Variants in PSME4 observed in about 807,000 individuals in gnomAD.
The protein encoded by PSME4 is proteasome activator subunit 4.
PSME4 carries 89 observed loss-of-function variants against 253.9 expected under a neutral mutation model. The observed-to-expected ratio is 0.35, with a 90% CI of 0.30 to 0.42. PSME4 has a LOEUF of 0.42. PSME4 is among the 10% of genes least tolerant of loss of function. The probability of loss-of-function intolerance (pLI) is 1.00; values close to 1 mark genes in which losing one functional copy is unlikely to be tolerated. For missense variants in PSME4, 2,014 were observed against 2,195.2 expected (o/e 0.92, Z 1.65); for synonymous variants, 851 against 759.2 (o/e 1.12, Z -1.99).
chr2:53,890,826 A>C (rs1323402189), intron 36 of PSME4, among the ~76,000 whole-genome samples: 4 of 152,194 alleles, frequency 2.6e-5, no homozygotes, highest in East Asian at 3.8e-4. Flanking sequence ...TCAGGAGTTC[A>C]AGATCAAGCT....
intron 1 of PSME4, among the ~76,000 whole-genome samples, chr2:53,950,428 A>T (rs1669920165): frequency 6.6e-6 from 1 of 152,252 alleles, no homozygotes; most frequent in Non-Finnish European, 1.5e-5. Context: ...GTTAACTTAT[A>T]ATTACAATAC....
intron 1 of PSME4, among the ~76,000 whole-genome samples, chr2:53,966,783 T>C (rs887893059): frequency 2.0e-5 from 3 of 152,068 alleles, no homozygotes; most frequent in African/African-American, 7.2e-5. Flanking sequence ...CACTGCAACC[T>C]CCACCTCCCA....
rs368693570 is a variant in PSME4 at position 53,887,825 on chromosome 2, C to T, written c.4520+33G>A. On this transcript the variant is annotated intron_variant, in intron 39 of 46. Transcript: ENST00000404125. ...TTTAAAAAAAAACAAACAAAGAACT[C>T]GAGAGGTACACCACAGAGAAAACAG... 5.9e-6 allele frequency: 9 copies of T among 1,529,596 alleles called. No homozygotes were observed. In the African/African-American group the frequency reaches 7.0e-5, roughly 12 times the overall value. The allele number at this position is 1,529,596 out of a possible 1,614,324, so 94.8% of individuals were successfully genotyped here.
In PSME4 at chr2:53,893,008, G is replaced by A. The variant is rs199772041; in HGVS notation, c.4039-48C>T. ...TCAGTACTCAAATGACTATCATCTC[G>A]ATTATAATTATGCTTGTAATTATTC... On this transcript the variant is annotated intron_variant, in intron 35 of 46. Coordinates refer to ENST00000404125, the MANE Select transcript of PSME4 (RefSeq NM_014614.3). 41 of 1,530,938 alleles carry A rather than the reference G, an allele frequency of 2.7e-5. No individual in the cohort carries two copies. In the East Asian group the frequency reaches 3.9e-4, roughly 14 times the overall value. The allele number at this position is 1,530,938 out of a possible 1,614,324, so 94.8% of individuals were successfully genotyped here. A position where few individuals can be genotyped will look rare whatever the true frequency, so the allele number is the denominator to read the frequency against.
At chr2:53,889,150 C>T (rs13432387) in intron 37 of PSME4, among the ~76,000 whole-genome samples, 16,647 of 152,140 alleles carry the variant, frequency 0.11, 1,413 homozygotes, top group African/African-American at 0.24. Context: ...AAGTTGAGAG[C>T]TAGTGCACCC....
intron 1 of PSME4, among the ~76,000 whole-genome samples, chr2:53,953,192 G>A (rs1053728186): frequency 3.9e-5 from 6 of 151,962 alleles, no homozygotes; most frequent in African/African-American, 1.5e-4. Flanking sequence ...TGTTTTAAAA[G>A]GGCACAAAAG....
intron 1 of PSME4, among the ~76,000 whole-genome samples, chr2:53,963,254 A>G (rs1183745096): frequency 6.6e-6 from 1 of 151,972 alleles, no homozygotes; most frequent in Non-Finnish European, 1.5e-5. Flanking sequence ...CGAGGCCAGG[A>G]GCTCAAGGTT....
intron 42 of PSME4, among the ~76,000 whole-genome samples, 161 bp downstream of exon 42, chr2:53,875,466 A>C (rs566706905): frequency 2.2e-3 from 338 of 152,356 alleles, no homozygotes; most frequent in Non-Finnish European, 3.8e-3. Flanking sequence ...CCAGGCACAG[A>C]ATCTAGGTCT....
intron 1 of PSME4, among the ~76,000 whole-genome samples, chr2:53,962,817 C>A (rs1344471989): frequency 6.6e-6 from 1 of 151,958 alleles, no homozygotes; most frequent in African/African-American, 2.4e-5. Context: ...TCGAGACCAT[C>A]CTGGCCAATA....
At position 53,949,337 on chromosome 2, in the gene PSME4, T is replaced by C. The variant is rs558022792; in HGVS notation, c.243-54A>G. 143 of 1,197,574 alleles carry C rather than the reference T, an allele frequency of 1.2e-4. No individual in the cohort carries two copies. The African/African-American group carries it at 2.1e-3, about 17-fold the overall frequency. The allele number at this position is 1,197,574 out of a possible 1,614,324, so 74.2% of individuals were successfully genotyped here. On this transcript the variant is annotated intron_variant, in intron 1 of 46. Transcript: ENST00000404125. ...AAAAATAGGTATGATGACACATCCATGTTCAATGCAGCATTATCCATAGAA... is the reference window on the plus strand; with the variant it reads ...AAAAATAGGTATGATGACACATCCACGTTCAATGCAGCATTATCCATAGAA...
chr2:53,965,990 A>C (rs1376573011), intron 1 of PSME4, among the ~76,000 whole-genome samples: 1 of 151,834 alleles, frequency 6.6e-6, no homozygotes, highest in Non-Finnish European at 1.5e-5. Context: ...GTTTTTTAAC[A>C]CTCCACTACT....
chr2:53,888,694 C>A (rs779957933), intron 38 of PSME4, 27 bp downstream of exon 38: 2 of 1,502,590 alleles, frequency 1.3e-6, no homozygotes, highest in South Asian at 1.1e-5. Context: ...TTCGTGTTAA[C>A]CTCATAGGTT....
intron 1 of PSME4, among the ~76,000 whole-genome samples, chr2:53,961,880 T>C (rs1254731540): frequency 6.6e-6 from 1 of 152,194 alleles, no homozygotes; most frequent in Admixed American, 6.5e-5. Flanking sequence ...CACCCTACTG[T>C]TGTGTCCGGT....
chr2:53,945,931 C>A (rs1669679637), intron 3 of PSME4, among the ~76,000 whole-genome samples: 1 of 152,066 alleles, frequency 6.6e-6, no homozygotes, highest in Non-Finnish European at 1.5e-5. Context: ...AAATGAAATG[C>A]TGAGTCTGTT....
At chr2:53,946,094 T>C (rs537247009) in intron 3 of PSME4, among the ~76,000 whole-genome samples, 2 of 152,202 alleles carry the variant, frequency 1.3e-5, no homozygotes, top group East Asian at 3.9e-4. Context: ...CCAATACTAA[T>C]AGAAAATTTC....
chr2:53,938,675 T>C (rs1669239303), intron 4 of PSME4, among the ~76,000 whole-genome samples: 1 of 152,138 alleles, frequency 6.6e-6, no homozygotes, highest in Admixed American at 6.5e-5. Context: ...GTTGGGAAAC[T>C]CTTTCAAATA....
Position 53,895,094 on chromosome 2 carries a change from A to G in PSME4, c.3843-18T>C, listed in dbSNP as rs764659605. ...CCATATTCCTATATAGTAAGAGTTC[A>G]TATTTATCATACGCATAGAAAAAAA... On this transcript the variant is annotated intron_variant, in intron 33 of 46. Coordinates refer to ENST00000404125, the MANE Select transcript of PSME4 (RefSeq NM_014614.3). 2 of 1,584,568 alleles carry G rather than the reference A, an allele frequency of 1.3e-6. No individual in the cohort carries two copies. The highest frequency in any genetic ancestry group is 1.2e-5 in the South Asian group (1 of 86,218).
intron 44 of PSME4, among the ~76,000 whole-genome samples, chr2:53,868,388 G>A (rs1678676490): frequency 6.6e-6 from 1 of 150,580 alleles, no homozygotes; most frequent in Non-Finnish European, 1.5e-5. Context: ...GGAGGTGGAG[G>A]TTGCAGGGGG....
chr2:53,892,736 G>A, intron 36 of PSME4, 72 bp downstream of exon 36: 1 of 1,400,508 alleles, frequency 7.1e-7, no homozygotes, highest in South Asian at 1.4e-5. Context: ...TATCTAATGT[G>A]TTGGGAATTG....
Sources: allele counts gnomAD v4.1 joint callset (sites outside exome capture counted in the v4.1 genomes callset), GRCh38; gene constraint gnomAD v4.1.1; transcripts MANE v1.5; gene names NCBI Gene and HGNC (gene_info 2026-07-23, HGNC 2026-07-21).